JMJD1C: variants seen among roughly 807,000 people sequenced by gnomAD.
JMJD1C encodes the protein jumonji domain containing 1C, also known as jumonji domain-containing protein 1C.
Under a neutral mutation model 245.3 loss-of-function variants are expected in JMJD1C, and 31 were observed. The ratio of observed to expected loss-of-function variants is 0.13; its 90% CI spans 0.09 to 0.17. The LOEUF is 0.17. Among genes scored for constraint, JMJD1C ranks in the 10% least tolerant of loss-of-function variants. The probability of loss-of-function intolerance (pLI) is 1.00; values close to 1 mark genes in which losing one functional copy is unlikely to be tolerated. For synonymous variants in JMJD1C, 1,057 were observed against 1,017.4 expected (o/e 1.04, Z -0.74); for missense variants, 2,691 against 3,000.2 (o/e 0.90, Z 2.41).
At chr10:63,362,105 CAT>C (rs544786120) in intron 2 of JMJD1C, among the ~76,000 whole-genome samples, 43 of 152,034 alleles carry the variant, frequency 2.8e-4, no homozygotes, top group African/African-American at 7.2e-4. Context: ...CATAGTGGCA[CAT>C]GTCTGTAATC....
At chr10:63,203,703 A>G (rs1846280039) in intron 10 of JMJD1C, 7 of 983,746 alleles carry the variant, frequency 7.1e-6, no homozygotes, top group Non-Finnish European at 8.4e-6. Flanking sequence ...AGAGAGGAAG[A>G]CATTCCAAAA....
chr10:63,357,018 T>C (rs1241128743), intron 2 of JMJD1C, among the ~76,000 whole-genome samples: 2 of 151,966 alleles, frequency 1.3e-5, no homozygotes, highest in Non-Finnish European at 2.9e-5. Context: ...AATGAACTAG[T>C]AATAATATAT....
chr10:63,300,617 C>T (rs1367433762), intron 2 of JMJD1C, among the ~76,000 whole-genome samples: 2 of 151,850 alleles, frequency 1.3e-5, no homozygotes, highest in Non-Finnish European at 2.9e-5. Flanking sequence ...AGAAGCCTGG[C>T]GTGGTGGCTC....
chr10:63,501,325 T>G (rs1467047376), intron 1 of JMJD1C, among the ~76,000 whole-genome samples: 1 of 152,230 alleles, frequency 6.6e-6, no homozygotes, highest in Admixed American at 6.5e-5. Context: ...AGTGATTCAT[T>G]GAAAAAGACT....
chr10:63,381,144 T>C (rs990761681), intron 1 of JMJD1C, among the ~76,000 whole-genome samples: 5 of 152,216 alleles, frequency 3.3e-5, no homozygotes, highest in Non-Finnish European at 5.9e-5. Context: ...GAGGTGATTA[T>C]GTTATATGAA....
rs138196783 is a variant in JMJD1C, at chr10:63,265,136, TG to T, written c.334-373del. 7.6e-3 allele frequency among the ~76,000 whole-genome samples: 1,149 copies of T among 152,162 alleles called. 14 individuals carry two copies. Among genetic ancestry groups the T allele is most frequent in the African/African-American group, 0.026 (1,073 of 41,520 alleles). On this transcript the variant is annotated intron_variant, in intron 2 of 25. Transcript: ENST00000399262. The stretch of plus-strand genomic sequence containing the variant: ...TTTACCCCCACCTTTTTTTTTTAAC[TG>T]TATTATTTCTTATTAAAGAGAGTAG...
intron 1 of JMJD1C, among the ~76,000 whole-genome samples, chr10:63,452,883 G>C (rs745429100): frequency 6.6e-6 from 1 of 152,158 alleles, no homozygotes; most frequent in South Asian, 2.1e-4. Context: ...ACATTAGATA[G>C]AGAGTTTCTG....
chr10:63,227,308 G>A (rs1393649154), intron 3 of JMJD1C, among the ~76,000 whole-genome samples: 1 of 152,074 alleles, frequency 6.6e-6, no homozygotes, highest in Non-Finnish European at 1.5e-5. Flanking sequence ...AAGGTAGAGT[G>A]CTCCTTGCCA....
chr10:63,190,618 T>C (rs1346826141), intron 17 of JMJD1C, among the ~76,000 whole-genome samples: 1 of 152,244 alleles, frequency 6.6e-6, no homozygotes, highest in Non-Finnish European at 1.5e-5. Context: ...TGTGGGTTTT[T>C]CCCTTCACTA....
chr10:63,172,236 A>C (rs1308501681), intron 24 of JMJD1C, among the ~76,000 whole-genome samples: 1 of 152,252 alleles, frequency 6.6e-6, no homozygotes, highest in East Asian at 1.9e-4. Flanking sequence ...TTGTTTCTAT[A>C]ATCTATGTGA....
intron 1 of JMJD1C, among the ~76,000 whole-genome samples, chr10:63,395,403 A>G (rs1459647317): frequency 6.6e-6 from 1 of 152,188 alleles, no homozygotes; most frequent in Non-Finnish European, 1.5e-5. Context: ...GCGTGAACCC[A>G]GGAGGCGGAG....
chr10:63,396,498 T>C (rs1217389219), intron 1 of JMJD1C, among the ~76,000 whole-genome samples: 2 of 152,216 alleles, frequency 1.3e-5, no homozygotes, highest in Non-Finnish European at 2.9e-5. Flanking sequence ...ATAGAAACGC[T>C]GCCAACTTGA....
intron 3 of JMJD1C, among the ~76,000 whole-genome samples, chr10:63,223,730 T>A (rs1399248949): frequency 6.6e-6 from 1 of 152,120 alleles, no homozygotes; most frequent in Non-Finnish European, 1.5e-5. Context: ...AATCTATTTC[T>A]TCAACATTTA....
At chr10:63,264,122 T>G (rs1855221412) in intron 3 of JMJD1C, among the ~76,000 whole-genome samples, 1 of 151,908 alleles carries the variant, frequency 6.6e-6, no homozygotes, top group Non-Finnish European at 1.5e-5. Flanking sequence ...AAGCTAATAG[T>G]CAACTGGAAA....
intron 1 of JMJD1C, among the ~76,000 whole-genome samples, chr10:63,513,565 A>G (rs1184934306): frequency 6.6e-6 from 1 of 152,234 alleles, no homozygotes; most frequent in Non-Finnish European, 1.5e-5. Context: ...CATGTATCTG[A>G]CAAAGGTTTC....
At chr10:63,192,572 C>T (rs1351132024) in intron 16 of JMJD1C, among the ~76,000 whole-genome samples, 1 of 151,912 alleles carries the variant, frequency 6.6e-6, no homozygotes, top group Non-Finnish European at 1.5e-5. Context: ...CCGTGCTCCC[C>T]GACCCCTAAA....
intron 1 of JMJD1C, among the ~76,000 whole-genome samples, chr10:63,507,118 T>C (rs1475656519): frequency 6.6e-6 from 1 of 152,238 alleles, no homozygotes; most frequent in African/African-American, 2.4e-5. Flanking sequence ...CTAGTGCTAA[T>C]ATTTCATTGT....
chr10:63,270,986 G>A (rs1856228073), intron 2 of JMJD1C, among the ~76,000 whole-genome samples: 1 of 152,024 alleles, frequency 6.6e-6, no homozygotes, highest in Admixed American at 6.6e-5. Context: ...CAGGAAAGCT[G>A]GCCATATACT....
intron 24 of JMJD1C, among the ~76,000 whole-genome samples, chr10:63,172,477 C>T (rs1317443228): frequency 2.0e-5 from 3 of 152,086 alleles, no homozygotes; most frequent in Admixed American, 6.5e-5. Context: ...AGAATAGAGA[C>T]TTATTAATAA....
Sources: gnomAD v4.1 joint callset for allele counts (sites outside exome capture counted in the v4.1 genomes callset) on GRCh38, gnomAD v4.1.1 for gene constraint, MANE v1.5 for transcripts, NCBI Gene and HGNC (gene_info 2026-07-23, HGNC 2026-07-21) for gene names.